Variants in PNKD observed in about 807,000 individuals in gnomAD.
PNKD encodes the protein probable thioesterase PNKD.
Under a neutral mutation model 45.3 loss-of-function variants are expected in PNKD, and 36 were observed. The observed-to-expected ratio is 0.80, with a 90% confidence interval of 0.61 to 1.05. PNKD has a LOEUF of 1.05. Among genes scored for constraint, PNKD ranks in the 50% least tolerant of loss-of-function variants. The probability of loss-of-function intolerance (pLI) is 0.00; values close to 1 mark genes in which losing one functional copy is unlikely to be tolerated. For missense variants in PNKD, 511 were observed against 506.6 expected (o/e 1.01, Z -0.08); for synonymous variants, 197 against 210.1 (o/e 0.94, Z 0.54).
At position 218,315,056 on chromosome 2, in the gene PNKD, T is replaced by TCC. The variant is rs1211830575; in HGVS notation, c.237-24727_237-24726insCC. ...TCTTTCTTTTTCTTTCTTTCTTTCT[T>TCC]TCTTCCTTCCTTCCTTCCTTTCTTT... is the stretch of plus-strand genomic sequence containing the variant. On this transcript the variant is annotated intron_variant, in intron 2 of 9. Coordinates refer to ENST00000273077, the MANE Select transcript of PNKD (RefSeq NM_015488.5). Among the ~76,000 whole-genome samples, 448 of 99,952 alleles carry TCC rather than the reference T, an allele frequency of 4.5e-3. 28 individuals are homozygous for TCC. The highest frequency in any genetic ancestry group is 9.6e-3 in the Admixed American group (71 of 7,378). 65.6% of individuals were successfully genotyped at this position (99,952 alleles called of 152,430 possible).
intron 2 of PNKD, among the ~76,000 whole-genome samples, chr2:218,279,836 G>A (rs1691686598): frequency 7.6e-6 from 1 of 131,064 alleles, no homozygotes; most frequent in South Asian, 2.4e-4. Flanking sequence ...AAGAAGAGAG[G>A]TGCAAAAAGA....
At chr2:218,282,556 A>G (rs1692127234) in intron 2 of PNKD, among the ~76,000 whole-genome samples, 1 of 152,262 alleles carries the variant, frequency 6.6e-6, no homozygotes, top group African/African-American at 2.4e-5. Flanking sequence ...CAGATGGGCC[A>G]GGCACAGCCT....
intron 2 of PNKD, among the ~76,000 whole-genome samples, chr2:218,316,072 C>A (rs1425592202): frequency 6.6e-6 from 1 of 152,128 alleles, no homozygotes; most frequent in African/African-American, 2.4e-5. Flanking sequence ...GGAAAATATA[C>A]CTCGCCTCCA....
rs199987826 is a variant in PNKD, at chr2:218,341,575, G to T, written c.566G>T (p.Arg189Leu). 1 of 1,599,638 alleles carries T rather than the reference G, an allele frequency of 6.3e-7. No homozygotes were observed. The change falls in exon 6 of 10, where the codon CGG (arginine) becomes CTG (leucine). Residue 189 changes from arginine (R) to leucine (L), a missense_variant. Transcript: ENST00000273077. ...AACCGTGACCTCAGCCGGCGGCACC[G>T]GGACTGTCGGGTGTACGGGAGCCCT... is the stretch of plus-strand genomic sequence containing the variant. The part of the protein sequence containing the change: ...GGNRDLSRRH[R>L]DCRVYGSPQD...
rs1016909915 is a variant in PNKD, at chr2:218,340,342, G to A, written c.465+201G>A. ...CTGGGCAGAAGGGGAGAGCAGGAGT[G>A]GGGGATGCAGAGCCAGAGGGCTGGG... On this transcript the variant is annotated intron_variant, in intron 4 of 9. Transcript: ENST00000273077. The surrounding 1 kb of genome is among the most constrained non-coding windows in gnomAD (Gnocchi z 4.2). Among the ~76,000 whole-genome samples, 2 of 152,096 alleles carry A rather than the reference G, an allele frequency of 1.3e-5. No homozygotes were observed. Among genetic ancestry groups the A allele is most frequent in the East Asian group, 1.9e-4 (1 of 5,184 alleles).
chr2:218,295,218 G>A (rs1393474264), intron 2 of PNKD, among the ~76,000 whole-genome samples: 1 of 152,172 alleles, frequency 6.6e-6, no homozygotes, highest in Non-Finnish European at 1.5e-5. Context: ...TTTTTCTCTT[G>A]GGCCTTATCT....
At chr2:218,311,481 G>T (rs1693615303) in intron 2 of PNKD, among the ~76,000 whole-genome samples, 1 of 152,292 alleles carries the variant, frequency 6.6e-6, no homozygotes, top group African/African-American at 2.4e-5. Flanking sequence ...GAGAAGGTCA[G>T]CAGGGAAACA....
intron 2 of PNKD, among the ~76,000 whole-genome samples, chr2:218,336,788 CTTTTTTTTTTT>C (rs71064439): frequency 6.9e-5 from 2 of 29,158 alleles, no homozygotes; most frequent in Non-Finnish European, 1.3e-4. Context: ...GCCTTCAATT[CTTTTTTTTTTT>C]TTTTTTTTTT....
intron 2 of PNKD, among the ~76,000 whole-genome samples, chr2:218,310,026 A>C (rs1038919616): frequency 5.9e-5 from 9 of 151,962 alleles, no homozygotes; most frequent in African/African-American, 2.2e-4. Context: ...AGGATTGGTT[A>C]ATTCAGGCAG....
In PNKD at chr2:218,279,146, A is replaced by C; in HGVS notation, c.236+7597A>C. The C allele has an allele frequency of 1.9e-6, 3 of 1,609,158 alleles. No individual in the cohort carries two copies. In the South Asian group the frequency reaches 3.3e-5, roughly 18 times the overall value. Reference sequence around the variant, plus strand: ...ACCCTGAGGCTTGTCTGCCCCACCCAGGCCAGCCAGGCAGCCCTGGCTTCA... The same window carrying C: ...ACCCTGAGGCTTGTCTGCCCCACCCCGGCCAGCCAGGCAGCCCTGGCTTCA... On this transcript the variant is annotated intron_variant, in intron 2 of 9. Coordinates refer to ENST00000273077, the MANE Select transcript of PNKD (RefSeq NM_015488.5).
intron 2 of PNKD, among the ~76,000 whole-genome samples, chr2:218,281,353 T>A (rs1691969080): frequency 6.6e-6 from 1 of 151,988 alleles, no homozygotes; most frequent in Non-Finnish European, 1.5e-5. Flanking sequence ...GCCAGGCTGG[T>A]CTCGAATTCC....
intron 2 of PNKD, among the ~76,000 whole-genome samples, chr2:218,306,899 G>C (rs1693425874): frequency 6.6e-6 from 1 of 152,214 alleles, no homozygotes; most frequent in Non-Finnish European, 1.5e-5. Flanking sequence ...CTAACTTATA[G>C]AGTGGTTACA....
chr2:218,330,559 T>A (rs1574708307), intron 2 of PNKD, among the ~76,000 whole-genome samples: 1 of 152,042 alleles, frequency 6.6e-6, no homozygotes, highest in Admixed American at 6.6e-5. Flanking sequence ...ACAGGGAGGG[T>A]CCCTTGGGGC....
At chr2:218,306,501 G>A (rs1693407208) in intron 2 of PNKD, among the ~76,000 whole-genome samples, 1 of 152,170 alleles carries the variant, frequency 6.6e-6, no homozygotes, top group South Asian at 2.1e-4. Flanking sequence ...CCTTTCTCTG[G>A]GTAATCACGG....
At chr2:218,310,592 C>CTTTTTTTT (rs58558174) in intron 2 of PNKD, among the ~76,000 whole-genome samples, 2 of 115,766 alleles carry the variant, frequency 1.7e-5, no homozygotes, top group African/African-American at 6.9e-5. Flanking sequence ...TGCTTTATTG[C>CTTTTTTTT]TTTTTTTTTT....
At chr2:218,281,498 C>T (rs1026893592) in intron 2 of PNKD, among the ~76,000 whole-genome samples, 5 of 152,224 alleles carry the variant, frequency 3.3e-5, no homozygotes, top group Non-Finnish European at 7.3e-5. Context: ...AACTTGGCTC[C>T]AAATGTCTTT....
chr2:218,278,342 A>G (rs1344680381), intron 2 of PNKD: 17 of 683,894 alleles, frequency 2.5e-5, no homozygotes, highest in Non-Finnish European at 4.0e-5. Flanking sequence ...GTTAGCTCCT[A>G]AACACACATG....
chr2:218,298,678 G>A (rs2106250265), intron 2 of PNKD, among the ~76,000 whole-genome samples: 1 of 152,160 alleles, frequency 6.6e-6, no homozygotes, highest in South Asian at 2.1e-4. Flanking sequence ...GCCCGAGCTG[G>A]GAGCTCAGCA....
chr2:218,281,153 A>C, intron 2 of PNKD, among the ~76,000 whole-genome samples: 1 of 5,184 alleles, frequency 1.9e-4, no homozygotes, highest in Admixed American at 1.9e-3. Context: ...TTTTTTTTTG[A>C]GACAGAGTCT....
Sources: gnomAD v4.1 joint callset for allele counts (sites outside exome capture counted in the v4.1 genomes callset) on GRCh38, gnomAD v4.1.1 for gene constraint, Gnocchi (gnomAD v3.1) non-coding constraint, MANE v1.5 for transcripts, NCBI Gene and HGNC (gene_info 2026-07-23, HGNC 2026-07-21) for gene names.